SMAD3: variants seen among roughly 807,000 people sequenced by gnomAD.
SMAD3 encodes the protein MAD homolog 3.
SMAD3 carries 12 observed loss-of-function variants against 51.8 expected under a neutral mutation model. The observed-to-expected ratio is 0.23, with a 90% confidence interval of 0.15 to 0.38. The LOEUF (loss-of-function observed/expected upper bound fraction) is 0.38, where lower values mean the gene tolerates loss of function less well. Among genes scored for constraint, SMAD3 ranks in the 10% least tolerant of loss-of-function variants. The pLI, the probability that SMAD3 is intolerant of heterozygous loss-of-function variation, is 1.00. For synonymous variants in SMAD3, 238 were observed against 227.7 expected (o/e 1.05, Z -0.41); for missense variants, 294 against 565.6 (o/e 0.52, Z 4.87).
At chr15:67,161,757 A>T (rs1211058769) in intron 1 of SMAD3, among the ~76,000 whole-genome samples, 3 of 152,136 alleles carry the variant, frequency 2.0e-5, no homozygotes, top group Non-Finnish European at 4.4e-5. Context: ...GGTGTTTATG[A>T]AGCACTTTCA....
At chr15:67,098,243 TC>T (rs1186917550) in intron 1 of SMAD3, among the ~76,000 whole-genome samples, 4 of 151,458 alleles carry the variant, frequency 2.6e-5, no homozygotes, top group African/African-American at 9.7e-5. Context: ...CAGTTCATCA[TC>T]TGTGAGATGA....
At chr15:67,081,015 G>T (rs1266077138) in intron 1 of SMAD3, among the ~76,000 whole-genome samples, 1 of 152,214 alleles carries the variant, frequency 6.6e-6, no homozygotes, top group Non-Finnish European at 1.5e-5. Context: ...AGAGCAGTTG[G>T]AATGACAGAG....
At chr15:67,118,421 G>A (rs1961183787) in intron 1 of SMAD3, among the ~76,000 whole-genome samples, 1 of 152,210 alleles carries the variant, frequency 6.6e-6, no homozygotes, top group South Asian at 2.1e-4. Context: ...TTTCTGGTGG[G>A]CTTTGATATT....
At chr15:67,180,086 G>A (rs1411002370) in intron 5 of SMAD3, among the ~76,000 whole-genome samples, 2 of 152,186 alleles carry the variant, frequency 1.3e-5, no homozygotes, top group Non-Finnish European at 2.9e-5. Flanking sequence ...CAGATGGATG[G>A]AATTCAGGTA....
chr15:67,173,846 C>T (rs1313378933), intron 5 of SMAD3, among the ~76,000 whole-genome samples: 1 of 152,174 alleles, frequency 6.6e-6, no homozygotes, highest in East Asian at 1.9e-4. Flanking sequence ...GAGAGGGAAT[C>T]ATGGGCCTGA....
intron 1 of SMAD3, among the ~76,000 whole-genome samples, chr15:67,078,289 C>G (rs1011540939): frequency 2.0e-5 from 3 of 152,140 alleles, no homozygotes; most frequent in Admixed American, 2.0e-4. Flanking sequence ...AGCACAGGCC[C>G]CCAAATTAGA....
At chr15:67,167,559 A>G (rs1266048380) in intron 4 of SMAD3, among the ~76,000 whole-genome samples, 5 of 152,178 alleles carry the variant, frequency 3.3e-5, no homozygotes, top group Non-Finnish European at 5.9e-5. Context: ...AAGCAGTCAC[A>G]TGGGAGGCAA....
At chr15:67,120,310 A>T (rs1047788616) in intron 1 of SMAD3, among the ~76,000 whole-genome samples, 1 of 152,234 alleles carries the variant, frequency 6.6e-6, no homozygotes, top group African/African-American at 2.4e-5. Flanking sequence ...GTGGCAGCTC[A>T]GGCAGCCCTG....
At chr15:67,177,614 G>A (rs1311712439) in intron 5 of SMAD3, among the ~76,000 whole-genome samples, 1 of 151,872 alleles carries the variant, frequency 6.6e-6, no homozygotes, top group Non-Finnish European at 1.5e-5. Flanking sequence ...GTAGAGACGG[G>A]GTTTCGCCAG....
chr15:67,183,587 G>A (rs185049995), intron 6 of SMAD3, among the ~76,000 whole-genome samples: 5 of 152,182 alleles, frequency 3.3e-5, no homozygotes, highest in South Asian at 2.1e-4. Flanking sequence ...TGCATGGGTC[G>A]GTCACCTCGT....
chr15:67,165,114 GACAGCAGGTGCCAGGGGTCATC>G, intron 2 of SMAD3, 26 bp downstream of exon 2: 1 of 1,613,064 alleles, frequency 6.2e-7, no homozygotes, highest in Non-Finnish European at 8.5e-7. Context: ...TGCCTGTGGG[GACAGCAGGTGCCAGGGGTCATC>G]ACCTCTCCCC....
chr15:67,176,529 C>T (rs1962900429), intron 5 of SMAD3, among the ~76,000 whole-genome samples: 1 of 152,344 alleles, frequency 6.6e-6, no homozygotes, highest in Admixed American at 6.5e-5. Flanking sequence ...GTTAATTTCC[C>T]CCCTTGCCTC....
At chr15:67,158,394 C>T (rs970231561) in intron 1 of SMAD3, among the ~76,000 whole-genome samples, 4 of 152,196 alleles carry the variant, frequency 2.6e-5, no homozygotes, top group African/African-American at 4.8e-5. Flanking sequence ...GTTGCTGATG[C>T]GTAAGAAGTG....
rs1055404212 is a variant in SMAD3, at chr15:67,187,611, G to T, written c.1154+102G>T. 44 of 1,433,934 alleles carry T rather than the reference G, an allele frequency of 3.1e-5. No homozygotes were observed. In the African/African-American group the frequency reaches 5.9e-4, roughly 19 times the overall value. 88.8% of individuals were successfully genotyped at this position (1,433,934 alleles called of 1,614,324 possible). On this transcript the variant is annotated intron_variant, in intron 8 of 8. Transcript: ENST00000327367. ...AGAGATGAGCTAGGCCAGCCCTAGC[G>T]TCAAGAGCAGAAAGACCAAAGATCA...
intron 1 of SMAD3, among the ~76,000 whole-genome samples, chr15:67,083,894 G>C (rs981833006): frequency 6.6e-6 from 1 of 152,066 alleles, no homozygotes; most frequent in Non-Finnish European, 1.5e-5. Flanking sequence ...TTAGCATCCT[G>C]TTTTCTGGGT....
At chr15:67,084,250 T>G (rs1960342597) in intron 1 of SMAD3, among the ~76,000 whole-genome samples, 1 of 151,438 alleles carries the variant, frequency 6.6e-6, no homozygotes, top group South Asian at 2.1e-4. Flanking sequence ...TAATTTTTTT[T>G]TTTTGTATTT....
intron 1 of SMAD3, among the ~76,000 whole-genome samples, chr15:67,133,961 C>T (rs1321744727): frequency 6.6e-6 from 1 of 152,084 alleles, no homozygotes; most frequent in Admixed American, 6.6e-5. Context: ...CCCCCTCTCT[C>T]CTGGGTGCTT....
At chr15:67,132,656 C>T (rs1595918735) in intron 1 of SMAD3, among the ~76,000 whole-genome samples, 3 of 152,322 alleles carry the variant, frequency 2.0e-5, no homozygotes, top group South Asian at 2.1e-4. Flanking sequence ...CCATTTTCCT[C>T]ACTAGGACAG....
rs527626050 is a variant in SMAD3 at position 67,131,022 on chromosome 15, G to A, written c.207-33873G>A. Among the ~76,000 whole-genome samples the A allele has an allele frequency of 5.3e-5, 8 of 152,318 alleles. No individual in the cohort carries two copies. In the South Asian group the frequency reaches 1.2e-3, roughly 24 times the overall value. On this transcript the variant is annotated intron_variant, in intron 1 of 8. Transcript: ENST00000327367. ...TTCAAGCAACTGAGACTTTCTGCTC[G>A]GGGAATCCCCAAGGATTTGGGGAGG...
Sources: gnomAD v4.1 joint callset for allele counts (sites outside exome capture counted in the v4.1 genomes callset) on GRCh38, gnomAD v4.1.1 for gene constraint, MANE v1.5 for transcripts, NCBI Gene and HGNC (gene_info 2026-07-23, HGNC 2026-07-21) for gene names.